The following DNM3 variants were observed in gnomAD, a reference collection of about 807,000 sequenced individuals.
DNM3 encodes the protein dynamin-3.
Under a neutral mutation model 101.6 loss-of-function variants are expected in DNM3, and 47 were observed. That is an observed-to-expected ratio of 0.46 (90% CI 0.37 to 0.59). The LOEUF is 0.59. Ranked by LOEUF, DNM3 falls within the 20% of genes least tolerant of loss-of-function variation. DNM3 has a pLI of 0.00. For synonymous variants in DNM3, 385 were observed against 387.9 expected (o/e 0.99, Z 0.09); for missense variants, 849 against 1,085.7 (o/e 0.78, Z 3.06).
chr1:172,003,903 G>T (rs1380059963), intron 4 of DNM3, among the ~76,000 whole-genome samples: 1 of 151,812 alleles, frequency 6.6e-6, no homozygotes, highest in Admixed American at 6.6e-5. Flanking sequence ...GGAGAAAGTG[G>T]GCAGCACTGG....
At chr1:172,354,967 G>C (rs1265163572) in intron 17 of DNM3, among the ~76,000 whole-genome samples, 1 of 152,138 alleles carries the variant, frequency 6.6e-6, no homozygotes, top group Non-Finnish European at 1.5e-5. Flanking sequence ...AGAAAATGAG[G>C]AAAGTTATTT....
At chr1:172,221,266 A>G (rs1323292648) in intron 14 of DNM3, among the ~76,000 whole-genome samples, 2 of 152,146 alleles carry the variant, frequency 1.3e-5, no homozygotes, top group Non-Finnish European at 2.9e-5. Context: ...TTCTCAACCA[A>G]AAACAACTTG....
intron 2 of DNM3, among the ~76,000 whole-genome samples, chr1:171,935,942 C>A (rs191890662): frequency 6.6e-6 from 1 of 151,538 alleles, no homozygotes; most frequent in African/African-American, 2.4e-5. Flanking sequence ...AACTCCTGAG[C>A]ACATTTAACG....
At position 172,384,813 on chromosome 1, in the gene DNM3, C is replaced by T. The variant is rs149102542; in HGVS notation, c.2059-2320C>T. 7.3e-4 allele frequency among the ~76,000 whole-genome samples: 111 copies of T among 152,324 alleles called. No homozygotes were observed. In the East Asian group the frequency reaches 0.02, roughly 28 times the overall value. ...TAAAGAGCTTAACCCAACCAATGGT[C>T]AATGCCAGGAAAATTGTCTGGTTTT... On this transcript the variant is annotated intron_variant, in intron 18 of 20. Transcript: ENST00000627582.
intron 17 of DNM3, among the ~76,000 whole-genome samples, chr1:172,366,202 G>C (rs909238927): frequency 6.6e-6 from 1 of 151,706 alleles, no homozygotes; most frequent in African/African-American, 2.4e-5. Flanking sequence ...CTGCAGCCTG[G>C]GCAACAGAGC....
rs1461256364 is a variant in DNM3, at chr1:171,958,080, G to A, written c.236-29576G>A. Reference sequence around the variant, plus strand: ...GGACTCATAGTTCCACGTGGCTGGGGAGGCCTGACAACTGTGGCAGAAGGT... The same window carrying A: ...GGACTCATAGTTCCACGTGGCTGGGAAGGCCTGACAACTGTGGCAGAAGGT... On this transcript the variant is annotated intron_variant, in intron 2 of 20. Coordinates refer to ENST00000627582, the MANE Select transcript of DNM3 (RefSeq NM_015569.5). Among the ~76,000 whole-genome samples the A allele has an allele frequency of 5.9e-5, 9 of 152,290 alleles. No homozygotes were observed. In the East Asian group the frequency reaches 1.5e-3, roughly 26 times the overall value.
At chr1:172,184,866 C>G (rs963351870) in intron 14 of DNM3, among the ~76,000 whole-genome samples, 3 of 152,064 alleles carry the variant, frequency 2.0e-5, no homozygotes, top group African/African-American at 7.2e-5. Context: ...GAGATTTGAT[C>G]CCCTAGTTGG....
At chr1:172,317,343 G>A (rs1251252130) in intron 16 of DNM3, among the ~76,000 whole-genome samples, 3 of 151,460 alleles carry the variant, frequency 2.0e-5, no homozygotes, top group Non-Finnish European at 4.4e-5. Context: ...AAAAGCAAGA[G>A]CAAACACATT....
chr1:172,130,669 T>G (rs1381833958), intron 13 of DNM3, among the ~76,000 whole-genome samples: 2 of 152,172 alleles, frequency 1.3e-5, no homozygotes, highest in African/African-American at 2.4e-5. Context: ...GTCAGCCTTA[T>G]TTAGGACTAA....
At chr1:172,218,477 G>T (rs937572775) in intron 14 of DNM3, among the ~76,000 whole-genome samples, 1 of 151,940 alleles carries the variant, frequency 6.6e-6, no homozygotes, top group Non-Finnish European at 1.5e-5. Flanking sequence ...ACAACTTTTG[G>T]CAAGTTTTTT....
intron 16 of DNM3, among the ~76,000 whole-genome samples, chr1:172,315,989 A>G (rs1411666769): frequency 5.9e-5 from 9 of 152,166 alleles, no homozygotes; most frequent in Non-Finnish European, 4.4e-5. Flanking sequence ...AGCCAGAGAG[A>G]AAGGTCGGGT....
intron 14 of DNM3, among the ~76,000 whole-genome samples, chr1:172,228,988 A>G (rs2061238470): frequency 6.6e-6 from 1 of 152,146 alleles, no homozygotes; most frequent in Non-Finnish European, 1.5e-5. Flanking sequence ...AAGTGGCTCA[A>G]TGCAAGCTGT....
chr1:171,920,387 T>C (rs1030851853), intron 1 of DNM3, among the ~76,000 whole-genome samples: 13 of 152,238 alleles, frequency 8.5e-5, no homozygotes, highest in Non-Finnish European at 1.5e-4. Context: ...TATCCTGACT[T>C]GAGGCCAGTG....
chr1:172,143,981 G>A (rs1292058135), intron 14 of DNM3, among the ~76,000 whole-genome samples: 1 of 151,968 alleles, frequency 6.6e-6, no homozygotes, highest in Non-Finnish European at 1.5e-5. Context: ...TCTTTACTTT[G>A]GGGAAAAATG....
In DNM3 at chr1:172,254,370, G is replaced by A. The variant is rs767141683; in HGVS notation, c.1769+688G>A. On this transcript the variant is annotated intron_variant, in intron 15 of 20. Transcript: ENST00000627582. The stretch of plus-strand genomic sequence containing the variant: ...ATCACTTAAGCTCTTCTTGAAGAGC[G>A]GACAAATTTCATATACTATGACTAA... Among the ~76,000 whole-genome samples the A allele has an allele frequency of 1.7e-3, 251 of 152,046 alleles. 1 individual carries two copies. Among genetic ancestry groups the A allele is most frequent in the Non-Finnish European group, 2.8e-3 (191 of 68,016 alleles).
At chr1:172,176,981 A>G (rs1389462163) in intron 14 of DNM3, among the ~76,000 whole-genome samples, 1 of 151,918 alleles carries the variant, frequency 6.6e-6, no homozygotes, top group African/African-American at 2.4e-5. Context: ...GAATATAGGA[A>G]GGGAAAGGAA....
At chr1:172,158,263 T>C (rs2058416218) in intron 14 of DNM3, among the ~76,000 whole-genome samples, 1 of 150,562 alleles carries the variant, frequency 6.6e-6, no homozygotes, top group Non-Finnish European at 1.5e-5. Context: ...AGAATAGGAG[T>C]AGATAAGGTT....
intron 4 of DNM3, among the ~76,000 whole-genome samples, chr1:172,021,170 C>G (rs2047825585): frequency 6.6e-6 from 1 of 152,296 alleles, no homozygotes; most frequent in East Asian, 1.9e-4. Flanking sequence ...TTAATTTTAT[C>G]TTTCATAAAG....
At chr1:172,048,082 A>G (rs2049946184) in intron 9 of DNM3, among the ~76,000 whole-genome samples, 1 of 152,192 alleles carries the variant, frequency 6.6e-6, no homozygotes, top group Non-Finnish European at 1.5e-5. Flanking sequence ...GCCCAAAGGA[A>G]GACACTTGTT....
Sources: allele counts gnomAD v4.1 joint callset (sites outside exome capture counted in the v4.1 genomes callset), GRCh38; gene constraint gnomAD v4.1.1; transcripts MANE v1.5; gene names NCBI Gene and HGNC (gene_info 2026-07-23, HGNC 2026-07-21).